EPHA5: variants seen among roughly 807,000 people sequenced by gnomAD.
The protein encoded by EPHA5 is EPH receptor A5.
A neutral mutation model predicts 105.0 loss-of-function variants in EPHA5; 60 were observed. The observed-to-expected ratio is 0.57, with a 90% CI of 0.46 to 0.71. The LOEUF (loss-of-function observed/expected upper bound fraction) is 0.71, where lower values mean the gene tolerates loss of function less well. EPHA5 is among the 30% of genes least tolerant of loss of function. The pLI is 0.00. For missense variants in EPHA5, 1,218 were observed against 1,274.7 expected (o/e 0.96, Z 0.68); for synonymous variants, 513 against 449.1 (o/e 1.14, Z -1.80).
At chr4:65,502,913 C>T (rs1025579956) in intron 3 of EPHA5, among the ~76,000 whole-genome samples, 1 of 151,892 alleles carries the variant, frequency 6.6e-6, no homozygotes, top group East Asian at 1.9e-4. Context: ...ACAAGTACCG[C>T]ATGGAATACT....
At chr4:65,568,525 A>G (rs1286847384) in intron 3 of EPHA5, among the ~76,000 whole-genome samples, 1 of 151,278 alleles carries the variant, frequency 6.6e-6, no homozygotes, top group African/African-American at 2.4e-5. Flanking sequence ...TTTATTAATA[A>G]TTAACAACAA....
At chr4:65,368,140 C>A (rs77053291) in intron 8 of EPHA5, among the ~76,000 whole-genome samples, 2,020 of 152,164 alleles carry the variant, frequency 0.013, 41 homozygotes, top group African/African-American at 0.045. Flanking sequence ...TGAAATCCCT[C>A]ACTACTTTTC....
intron 1 of EPHA5, among the ~76,000 whole-genome samples, chr4:65,644,946 A>G (rs1747991494): frequency 6.6e-6 from 1 of 152,018 alleles, no homozygotes; most frequent in African/African-American, 2.4e-5. Context: ...TAATGTTTGT[A>G]TCATTTTTAA....
intron 3 of EPHA5, among the ~76,000 whole-genome samples, chr4:65,517,971 C>A (rs1214536665): frequency 6.6e-6 from 1 of 151,834 alleles, no homozygotes; most frequent in African/African-American, 2.4e-5. Context: ...GATTTGTAAG[C>A]AAACTCATAT....
chr4:65,501,161 CAT>C (rs372042244), intron 3 of EPHA5, among the ~76,000 whole-genome samples: 363 of 151,468 alleles, frequency 2.4e-3, no homozygotes, highest in African/African-American at 8.4e-3. Context: ...AAACTCAAAA[CAT>C]GTCATATTTT....
intron 3 of EPHA5, among the ~76,000 whole-genome samples, chr4:65,595,052 G>T (rs999114248): frequency 6.6e-6 from 1 of 150,910 alleles, no homozygotes; most frequent in Non-Finnish European, 1.5e-5. Flanking sequence ...TATTAAAATA[G>T]ATTTCTGCAC....
intron 15 of EPHA5, 24 bp from the exon 16 acceptor site, chr4:65,332,152 T>C (rs773309178): frequency 2.0e-6 from 3 of 1,530,794 alleles, no homozygotes; most frequent in East Asian, 2.4e-5. Context: ...AACATAAATA[T>C]TAAAAGTTAC....
intron 8 of EPHA5, chr4:65,376,950 C>T (rs919687498): frequency 6.6e-7 from 1 of 1,516,486 alleles, no homozygotes; most frequent in Non-Finnish European, 8.9e-7. Context: ...GACGGTAATA[C>T]ATATAGGTGG....
At chr4:65,627,314 T>A (rs1042549644) in intron 2 of EPHA5, among the ~76,000 whole-genome samples, 4 of 152,166 alleles carry the variant, frequency 2.6e-5, no homozygotes, top group Non-Finnish European at 5.9e-5. Flanking sequence ...ATCAAATAAT[T>A]TGGAAAAACC....
At chr4:65,382,120 G>A (rs866684434) in intron 8 of EPHA5, among the ~76,000 whole-genome samples, 20 of 151,600 alleles carry the variant, frequency 1.3e-4, no homozygotes, top group Middle Eastern at 3.4e-3. Context: ...TTCATCTTAA[G>A]GAAAAAGTCA....
intron 3 of EPHA5, among the ~76,000 whole-genome samples, chr4:65,564,215 A>C (rs1198944579): frequency 6.6e-6 from 1 of 151,922 alleles, no homozygotes; most frequent in Non-Finnish European, 1.5e-5. Context: ...CAGGAATACC[A>C]CATAGACACC....
intron 13 of EPHA5, among the ~76,000 whole-genome samples, chr4:65,350,425 T>G (rs532379989): frequency 6.6e-6 from 1 of 152,212 alleles, no homozygotes; most frequent in African/African-American, 2.4e-5. Flanking sequence ...CCAGTGGATG[T>G]AATTTTTAAA....
chr4:65,319,975 C>T lies in EPHA5; in HGVS notation c.*4139G>A, dbSNP rs1159217802. On this transcript the variant is annotated 3_prime_UTR_variant, in exon 17 of 17. Coordinates refer to ENST00000613740, the MANE Select transcript of EPHA5 (RefSeq NM_001281766.3). ...AGCCTGAATAAACATGACATTTTAC[C>T]ACCTTCAATTTTCTCCATTAACGTT... The T allele has an allele frequency of 8.7e-6, 2 of 229,852 alleles. No homozygotes were observed. The highest frequency in any genetic ancestry group is 1.1e-4 in the Admixed American group (2 of 17,592). The allele number at this position is 229,852 out of a possible 1,614,324, so 14.2% of individuals were successfully genotyped here.
intron 3 of EPHA5, among the ~76,000 whole-genome samples, chr4:65,552,073 A>G (rs1297803786): frequency 6.6e-6 from 1 of 152,190 alleles, no homozygotes; most frequent in East Asian, 1.9e-4. Flanking sequence ...GCACGTTTTC[A>G]TTCACAGCAG....
chr4:65,328,007 T>C (rs921551383), intron 16 of EPHA5, among the ~76,000 whole-genome samples: 1 of 151,302 alleles, frequency 6.6e-6, no homozygotes, highest in East Asian at 1.9e-4. Context: ...TTGGAAATGG[T>C]ACAAGGTATG....
In EPHA5 at chr4:65,465,467, A is replaced by AAAAGAAAGAAAGAAAG. The variant is rs749079632; in HGVS notation, c.1402+24894_1402+24909dup. 2.3e-3 allele frequency among the ~76,000 whole-genome samples: 175 copies of AAAAGAAAGAAAGAAAG among 75,052 alleles called. 2 individuals are homozygous for AAAAGAAAGAAAGAAAG. Among genetic ancestry groups the AAAAGAAAGAAAGAAAG allele is most frequent in the East Asian group, 5.8e-3 (11 of 1,908 alleles). 49.2% of individuals were successfully genotyped at this position (75,052 alleles called of 152,430 possible). A position where few individuals can be genotyped will look rare whatever the true frequency, so the allele number is the denominator to read the frequency against. ...AAGAAAGAAAGAAAGAAAAGAAAGA[A>AAAAGAAAGAAAGAAAG]AAAGAAAGAAAGAAAGAAAGAAAGA... On this transcript the variant is annotated intron_variant, in intron 5 of 16. Coordinates refer to ENST00000613740, the MANE Select transcript of EPHA5 (RefSeq NM_001281766.3).
In EPHA5 at chr4:65,385,998, G is replaced by C. The variant is rs114845888; in HGVS notation, c.1793+18376C>G. Among the ~76,000 whole-genome samples the C allele has an allele frequency of 1.4e-3, 210 of 151,960 alleles. 1 individual carries two copies. The highest frequency in any genetic ancestry group is 4.9e-3 in the African/African-American group (205 of 41,500). On this transcript the variant is annotated intron_variant, in intron 8 of 16. Transcript: ENST00000613740. ...AAACCTATAAGATTTTTGGAGGAGA[G>C]TGAAAACCACTGCTGAGTACTCACA...
chr4:65,479,660 G>T (rs932642220), intron 5 of EPHA5, among the ~76,000 whole-genome samples: 1 of 152,106 alleles, frequency 6.6e-6, no homozygotes, highest in Non-Finnish European at 1.5e-5. Flanking sequence ...CACAAATTAG[G>T]CAGTAAGAGA....
At chr4:65,374,418 A>G (rs1172895381) in intron 8 of EPHA5, among the ~76,000 whole-genome samples, 1 of 151,982 alleles carries the variant, frequency 6.6e-6, no homozygotes, top group Non-Finnish European at 1.5e-5. Flanking sequence ...ACATGTAATT[A>G]CAAATATCAT....
Sources: gnomAD v4.1 joint callset for allele counts (sites outside exome capture counted in the v4.1 genomes callset) on GRCh38, gnomAD v4.1.1 for gene constraint, MANE v1.5 for transcripts, NCBI Gene and HGNC (gene_info 2026-07-23, HGNC 2026-07-21) for gene names.